Variants in TDRP observed in about 807,000 individuals in gnomAD.
TDRP encodes testis development related protein.
In TDRP, 12 loss-of-function variants were observed where a neutral mutation model predicts 10.5. That is an observed-to-expected ratio of 1.15 (90% CI 0.73 to 1.86). The LOEUF (loss-of-function observed/expected upper bound fraction) is 1.86. Ranked by LOEUF, TDRP falls within the 40% of genes most tolerant of loss-of-function variation. TDRP has a pLI of 0.00. For synonymous variants in TDRP, 139 were observed against 95.4 expected (o/e 1.46, Z -2.67); for missense variants, 353 against 229.2 (o/e 1.54, Z -3.49).
intron 1 of TDRP, among the ~76,000 whole-genome samples, chr8:536,822 G>A (rs546896118): frequency 3.9e-5 from 6 of 152,228 alleles, no homozygotes; most frequent in African/African-American, 7.2e-5. Context: ...AGCTGAATCC[G>A]GAGCGAATAA....
chr8:521,138 C>G (rs1801890772), intron 1 of TDRP, among the ~76,000 whole-genome samples: 1 of 150,954 alleles, frequency 6.6e-6, no homozygotes, highest in Non-Finnish European at 1.5e-5. Context: ...AGCAGCAGCT[C>G]ACACCTGTAA....
intron 1 of TDRP, among the ~76,000 whole-genome samples, chr8:534,106 G>C (rs912675816): frequency 2.6e-5 from 4 of 152,142 alleles, no homozygotes; most frequent in African/African-American, 9.7e-5. Flanking sequence ...TATAAGGTAA[G>C]AGAATTCAAC....
At chr8:526,499 A>T (rs1802038874) in intron 1 of TDRP, among the ~76,000 whole-genome samples, 2 of 152,278 alleles carry the variant, frequency 1.3e-5, no homozygotes, top group South Asian at 2.1e-4. Context: ...CATTGTGTTG[A>T]TATGATGTAT....
At chr8:525,090 A>G (rs1274254363) in intron 1 of TDRP, among the ~76,000 whole-genome samples, 1 of 152,214 alleles carries the variant, frequency 6.6e-6, no homozygotes, top group Non-Finnish European at 1.5e-5. Context: ...CAGATAGCAT[A>G]CAATGGAGCT....
intron 1 of TDRP, among the ~76,000 whole-genome samples, chr8:524,148 T>G (rs780422323): frequency 3.3e-5 from 5 of 152,184 alleles, no homozygotes; most frequent in African/African-American, 4.8e-5. Flanking sequence ...CAACAAGAGT[T>G]TCTGCCTGGT....
In TDRP at chr8:492,252, T is replaced by C; in HGVS notation, c.*147A>G. 1 of 1,337,212 alleles carries C rather than the reference T, an allele frequency of 7.5e-7. No individual in the cohort carries two copies. The allele number at this position is 1,337,212 out of a possible 1,614,324, so 82.8% of individuals were successfully genotyped here. On this transcript the variant is annotated 3_prime_UTR_variant, in exon 3 of 3. Coordinates refer to ENST00000324079, the MANE Select transcript of TDRP (RefSeq NM_001384899.1). The stretch of plus-strand genomic sequence containing the variant: ...AAGGAGTCACAGTGTGTGTGAGAGT[T>C]CATTAAATAAAGAAACAGAGGTCCA...
intron 1 of TDRP, among the ~76,000 whole-genome samples, chr8:513,586 G>C (rs1008642164): frequency 6.6e-6 from 1 of 152,188 alleles, no homozygotes; most frequent in Non-Finnish European, 1.5e-5. Context: ...TGCCTCCCAA[G>C]AGCAGGAACA....
chr8:537,901 T>C (rs796183639), intron 1 of TDRP, among the ~76,000 whole-genome samples: 8 of 152,350 alleles, frequency 5.3e-5, no homozygotes, highest in African/African-American at 1.7e-4. Flanking sequence ...TTCTTTCATC[T>C]TCACAATCTG....
At chr8:496,923 A>C (rs140744302) in intron 1 of TDRP, among the ~76,000 whole-genome samples, 1 of 152,220 alleles carries the variant, frequency 6.6e-6, no homozygotes, top group Non-Finnish European at 1.5e-5. Flanking sequence ...TTGCTGCCAC[A>C]TAAGATGTGC....
At chr8:544,506 C>G (rs1584889863) in intron 1 of TDRP, 144 bp downstream of exon 1, 1 of 474,260 alleles carries the variant, frequency 2.1e-6, no homozygotes, top group South Asian at 1.1e-4. Flanking sequence ...CGGGCCGCGC[C>G]CCGGAGCTAC....
chr8:512,799 C>G (rs969986331), intron 1 of TDRP, among the ~76,000 whole-genome samples: 14 of 152,018 alleles, frequency 9.2e-5, no homozygotes, highest in African/African-American at 2.7e-4. Context: ...TGGCAAAACC[C>G]CATCTCTAAT....
intron 1 of TDRP, among the ~76,000 whole-genome samples, chr8:535,833 G>A (rs904359584): frequency 5.3e-5 from 8 of 151,426 alleles, no homozygotes; most frequent in African/African-American, 1.5e-4. Flanking sequence ...AGGTCTCAGC[G>A]TAGGGGTGGG....
chr8:504,483 C>G (rs560659680), intron 1 of TDRP, among the ~76,000 whole-genome samples: 1 of 152,142 alleles, frequency 6.6e-6, no homozygotes, highest in East Asian at 1.9e-4. Flanking sequence ...CCAAGTGAAA[C>G]GAGAACGGAG....
intron 1 of TDRP, among the ~76,000 whole-genome samples, chr8:503,881 G>A (rs1801380360): frequency 7.0e-6 from 1 of 142,762 alleles, no homozygotes; most frequent in African/African-American, 2.6e-5. Context: ...GGAATCCAGA[G>A]CCACACAAGG....
intron 1 of TDRP, among the ~76,000 whole-genome samples, chr8:529,110 C>T (rs1001122567): frequency 6.6e-6 from 1 of 152,044 alleles, no homozygotes; most frequent in Non-Finnish European, 1.5e-5. Flanking sequence ...TGAGATGATG[C>T]CCACTCAGAT....
At chr8:523,005 C>T (rs965570371) in intron 1 of TDRP, among the ~76,000 whole-genome samples, 1 of 151,994 alleles carries the variant, frequency 6.6e-6, no homozygotes, top group South Asian at 2.1e-4. Context: ...GAGTTTAATC[C>T]ATTTACATGG....
intron 1 of TDRP, among the ~76,000 whole-genome samples, chr8:530,058 AT>A (rs962170768): frequency 2.9e-4 from 41 of 141,322 alleles, no homozygotes; most frequent in Middle Eastern, 3.5e-3. Flanking sequence ...TTTACTTTTC[AT>A]TTTTTTTTTC....
rs747268027 is a variant in TDRP at position 492,564 on chromosome 8, T to A, written c.393A>T (p.Pro131=). 3 of 1,613,284 alleles carry A rather than the reference T, an allele frequency of 1.9e-6. No homozygotes were observed. Among genetic ancestry groups the A allele is most frequent in the East Asian group, 4.5e-5 (2 of 44,866 alleles). The change falls in exon 3 of 3, where the codon CCA becomes CCT. Residue 131 remains proline, a synonymous_variant. Transcript: ENST00000324079. ...CGTCATCCTCCCAGCCTGACCAGGA[T>A]GGGTGGCCACCCACGGTGTCCTCAG... ...ADPEDTVGGH[P]SWSGWEDDAK... is the part of the protein sequence containing the mutation.
At chr8:534,159 G>C (rs555793085) in intron 1 of TDRP, among the ~76,000 whole-genome samples, 2 of 152,118 alleles carry the variant, frequency 1.3e-5, no homozygotes, top group African/African-American at 2.4e-5. Flanking sequence ...AATTCCTACT[G>C]GTGGCTACTA....
Sources: gnomAD v4.1 joint callset for allele counts (sites outside exome capture counted in the v4.1 genomes callset) on GRCh38, gnomAD v4.1.1 for gene constraint, MANE v1.5 for transcripts, NCBI Gene and HGNC (gene_info 2026-07-23, HGNC 2026-07-21) for gene names.